PWWP3A: variants seen among roughly 807,000 people sequenced by gnomAD.
PWWP3A encodes PWWP domain-containing DNA repair factor 3A.
A neutral mutation model predicts 79.0 loss-of-function variants in PWWP3A; 53 were observed. That is an observed-to-expected ratio of 0.67 (90% confidence interval 0.54 to 0.84). The LOEUF is 0.84. PWWP3A is among the 40% of genes least tolerant of loss of function. PWWP3A has a pLI of 0.00. For synonymous variants in PWWP3A, 443 were observed against 394.4 expected (o/e 1.12, Z -1.46); for missense variants, 973 against 948.0 (o/e 1.03, Z -0.35).
chr19:1,376,801 A>AT lies in PWWP3A; in HGVS notation c.*231dup, dbSNP rs965791294. The AT allele has an allele frequency of 3.8e-5, 18 of 471,948 alleles. No individual in the cohort carries two copies. The highest frequency in any genetic ancestry group is 4.5e-5 in the Non-Finnish European group (12 of 266,158). The allele number at this position is 471,948 out of a possible 1,614,324, so 29.2% of individuals were successfully genotyped here. On this transcript the variant is annotated 3_prime_UTR_variant, in exon 14 of 14. Transcript: ENST00000591337. ...CAGTTTTTTTCATTTTATTTTTGGC[A>AT]TTTTTTACAAGATACCGTTCGGGAA...
intron 12 of PWWP3A, chr19:1,372,405 G>T (rs540475259): frequency 2.6e-5 from 4 of 152,146 alleles, no homozygotes; most frequent in Non-Finnish European, 5.9e-5. Flanking sequence ...TAAAAAATAG[G>T]GATGATTTCT....
chr19:1,360,411 T>C lies in PWWP3A; in HGVS notation c.490T>C (p.Phe164Leu). ...TGTGCAACAAAGCCTGTCAAGTTCG[T>C]TCACTTGTGAAAAGGACCCCGAGTG... ...PCVQQSLSSSFTCEKDPECKV... is the reference protein window; with the variant it reads ...PCVQQSLSSSLTCEKDPECKV... Residue 164 changes from phenylalanine (F) to leucine (L), a missense_variant, in exon 5 of 14, where the codon TTC (phenylalanine) becomes CTC (leucine). Coordinates refer to ENST00000591337, the MANE Select transcript of PWWP3A (RefSeq NM_001369789.1). The surrounding 1 kb of genome is among the most constrained non-coding windows in gnomAD (Gnocchi z 4.4). 6.2e-7 allele frequency: 1 copy of C among 1,614,098 alleles called. No individual in the cohort carries two copies. The highest frequency in any genetic ancestry group is 8.5e-7 in the Non-Finnish European group (1 of 1,180,026).
At chr19:1,365,242 G>A (rs1371006163) in intron 7 of PWWP3A, among the ~76,000 whole-genome samples, 1 of 152,256 alleles carries the variant, frequency 6.6e-6, no homozygotes, top group Non-Finnish European at 1.5e-5. Context: ...TGTACAAACA[G>A]GAATTCGAAA....
chr19:1,367,043 G>C, intron 8 of PWWP3A, 117 bp from the exon 9 acceptor site: 1 of 733,564 alleles, frequency 1.4e-6, no homozygotes, highest in Non-Finnish European at 2.3e-6. Flanking sequence ...CCATAAATAA[G>C]CTGGGGCTGG....
chr19:1,375,471 AATTT>A (rs1486527989), intron 13 of PWWP3A, among the ~76,000 whole-genome samples: 2 of 132,612 alleles, frequency 1.5e-5, no homozygotes, highest in Non-Finnish European at 3.1e-5. Context: ...TATTATATAA[AATTT>A]ATATATTATA....
rs978080450 is a variant in PWWP3A, at chr19:1,360,058, G to A, written c.215-78G>A. 12 of 1,395,736 alleles carry A rather than the reference G, an allele frequency of 8.6e-6. No individual in the cohort carries two copies. Among genetic ancestry groups the A allele is most frequent in the African/African-American group, 2.9e-5 (2 of 69,016 alleles). 86.5% of individuals were successfully genotyped at this position (1,395,736 alleles called of 1,614,324 possible). A position where few individuals can be genotyped will look rare whatever the true frequency, so the allele number is the denominator to read the frequency against. On this transcript the variant is annotated intron_variant, in intron 4 of 13. Transcript: ENST00000591337. The surrounding 1 kb of genome is among the most constrained non-coding windows in gnomAD (Gnocchi z 4.4). ...AACTAGCCGTCAGAATGAGACAAGC[G>A]AGCTTCTAAAGCGATGCCGTGACCG...
In PWWP3A at chr19:1,376,896, A is replaced by T; in HGVS notation, c.*320A>T. 4.1e-6 allele frequency: 1 copy of T among 244,500 alleles called. No homozygotes were observed. The highest frequency in any genetic ancestry group is 7.8e-6 in the Non-Finnish European group (1 of 128,838). The allele number at this position is 244,500 out of a possible 1,614,324, so 15.1% of individuals were successfully genotyped here. A position where few individuals can be genotyped will look rare whatever the true frequency, so the allele number is the denominator to read the frequency against. ...CCTGGCTGTGCTGTGGTTTCTCCCG[A>T]CGTGCACATCGATCTCGTATGTGTG... On this transcript the variant is annotated 3_prime_UTR_variant, in exon 14 of 14. Transcript: ENST00000591337.
intron 13 of PWWP3A, among the ~76,000 whole-genome samples, chr19:1,375,191 C>T (rs1216018877): frequency 6.7e-6 from 1 of 150,110 alleles, no homozygotes; most frequent in African/African-American, 2.4e-5. Context: ...CTACTGCATT[C>T]CAGCCTGGTG....
At chr19:1,362,222 T>C (rs1425542053) in intron 5 of PWWP3A, 28 bp from the exon 6 acceptor site, 14 of 1,580,192 alleles carry the variant, frequency 8.9e-6, no homozygotes, top group Non-Finnish European at 1.2e-5. Flanking sequence ...GCAATGACCA[T>C]GAAAGTCTAA....
chr19:1,362,505 A>G (rs749450848), intron 6 of PWWP3A, among the ~76,000 whole-genome samples, 154 bp downstream of exon 6: 2 of 152,200 alleles, frequency 1.3e-5, no homozygotes, highest in Admixed American at 6.5e-5. Context: ...GACCTTCAGA[A>G]GTGTCACGTT....
chr19:1,360,510 G>A lies in PWWP3A; in HGVS notation c.589G>A (p.Gly197Ser). Residue 197 changes from glycine (G) to serine (S), a missense_variant, in exon 5 of 14, where the codon GGT becomes AGT. Physicochemically the swap from Gly to Ser is moderately conservative, Grantham distance 56. Coordinates refer to ENST00000591337, the MANE Select transcript of PWWP3A (RefSeq NM_001369789.1). This position sits in a 1 kb window ranked among gnomAD's most constrained non-coding sequence, Gnocchi z 4.4. The stretch of plus-strand genomic sequence containing the variant: ...CCCGTTGGTCCTCCCAGCTGGAGGT[G>A]GTGCCCAAGATGAGAGTGGGTCCAG... The part of the protein sequence containing the change: ...RGPLVLPAGG[G>S]AQDESGSRIH... 1 of 1,614,194 alleles carries A rather than the reference G, an allele frequency of 6.2e-7. No individual in the cohort carries two copies.
At chr19:1,358,521 G>T in intron 4 of PWWP3A, 57 bp downstream of exon 4, 1 of 1,607,836 alleles carries the variant, frequency 6.2e-7, no homozygotes, top group Non-Finnish European at 8.5e-7. Context: ...GGTCATTTGG[G>T]AGAATGTGAA....
intron 4 of PWWP3A, 159 bp from the exon 5 acceptor site, chr19:1,359,977 T>C (rs375403997): frequency 1.4e-6 from 1 of 710,140 alleles, no homozygotes; most frequent in African/African-American, 1.8e-5. Flanking sequence ...TCGTCTCCTT[T>C]TTGGGAAAAT....
Position 1,361,049 on chromosome 19 carries a change from G to T in PWWP3A, c.1111+17G>T. ...TGGAGAAAGGTAAAAGTTTCTCGTG[G>T]AGGAGGAGAGCGCAGAGGGTGGAGT... On this transcript the variant is annotated intron_variant, in intron 5 of 13. Coordinates refer to ENST00000591337, the MANE Select transcript of PWWP3A (RefSeq NM_001369789.1). The T allele has an allele frequency of 6.3e-6, 9 of 1,423,796 alleles. No homozygotes were observed. The highest frequency in any genetic ancestry group is 8.3e-6 in the Non-Finnish European group (9 of 1,086,908). The allele number at this position is 1,423,796 out of a possible 1,614,324, so 88.2% of individuals were successfully genotyped here.
At chr19:1,364,302 G>C in intron 6 of PWWP3A, 1 of 690,256 alleles carries the variant, frequency 1.4e-6, no homozygotes, top group South Asian at 1.4e-5. Flanking sequence ...TGGTTTCACT[G>C]TCTCATCATT....
At chr19:1,358,536 C>T (rs1254428700) in intron 4 of PWWP3A, 72 bp downstream of exon 4, 10 of 1,604,794 alleles carry the variant, frequency 6.2e-6, no homozygotes, top group South Asian at 3.3e-5. Flanking sequence ...TGTGAAGGCT[C>T]AGCTTTCTGG....
At chr19:1,373,199 T>A in intron 13 of PWWP3A, 39 bp downstream of exon 13, 1 of 1,576,388 alleles carries the variant, frequency 6.3e-7, no homozygotes, top group Non-Finnish European at 8.7e-7. Flanking sequence ...CACTTGCGTC[T>A]CTGCCTTGCA....
At position 1,369,283 on chromosome 19, in the gene PWWP3A, T is replaced by G. The variant is rs1331209748; in HGVS notation, c.1441T>G (p.Phe481Val). The G allele has an allele frequency of 6.2e-7, 1 of 1,614,032 alleles. No homozygotes were observed. Among genetic ancestry groups the G allele is most frequent in the Non-Finnish European group, 8.5e-7 (1 of 1,180,022 alleles). ...ATTGTAGAATCAAGCCAGGGAGGAC[T>G]TCAACCAGGACATCGGCTGGTGTGT... ...QTLLNQARED[F>V]NQDIGWCVSL... Residue 481 changes from phenylalanine (F) to valine (V), a missense_variant, in exon 10 of 14, where the codon TTC becomes GTC. Phe to Val is a conservative substitution (Grantham distance 50, BLOSUM62 -1). Transcript: ENST00000591337. This position sits in a 1 kb window ranked among gnomAD's most constrained non-coding sequence, Gnocchi z 4.0.
intron 13 of PWWP3A, among the ~76,000 whole-genome samples, chr19:1,375,781 C>T (rs1252037565): frequency 8.0e-6 from 1 of 125,218 alleles, no homozygotes; most frequent in African/African-American, 3.0e-5. Context: ...TATATGTAGA[C>T]ATACACACAC....
Sources: gnomAD v4.1 joint callset for allele counts (sites outside exome capture counted in the v4.1 genomes callset) on GRCh38, gnomAD v4.1.1 for gene constraint, Gnocchi (gnomAD v3.1) non-coding constraint, MANE v1.5 for transcripts, NCBI Gene and HGNC (gene_info 2026-07-23, HGNC 2026-07-21) for gene names.